The following SNX13 variants were observed in gnomAD, a reference collection of about 807,000 sequenced individuals.
SNX13 encodes the protein sorting nexin-13.
A neutral mutation model predicts 133.6 loss-of-function variants in SNX13; 45 were observed. The observed-to-expected ratio is 0.34, with a 90% CI of 0.27 to 0.43. The LOEUF is 0.43. Among genes scored for constraint, SNX13 ranks in the 20% least tolerant of loss-of-function variants. The pLI is 1.00. For missense variants in SNX13, 1,032 were observed against 1,145.1 expected (o/e 0.90, Z 1.43); for synonymous variants, 414 against 373.9 (o/e 1.11, Z -1.24).
Position 17,816,275 on chromosome 7 carries a change from T to C in SNX13, c.1860A>G (p.Ser620=), listed in dbSNP as rs1255739149. The C allele has an allele frequency of 6.5e-7, 1 of 1,541,446 alleles. No individual in the cohort carries two copies. Among genetic ancestry groups the C allele is most frequent in the Non-Finnish European group, 8.8e-7 (1 of 1,141,964 alleles). ...TTTTTCCAGGAAGTTTCAATATGCT[T>C]GAGAGACTTTCAAACTGTAAGACAA... ...MRITEQFESL[S]SILKLPGKKT... is the part of the protein sequence containing the mutation. The change falls in exon 19 of 26, where the codon TCA becomes TCG. Residue 620 remains serine, a synonymous_variant. Coordinates refer to ENST00000428135, the MANE Select transcript of SNX13 (RefSeq NM_015132.5).
intron 1 of SNX13, 72 bp from the exon 2 acceptor site, chr7:17,897,518 C>T (rs1241176221): frequency 2.3e-6 from 2 of 860,502 alleles, no homozygotes; most frequent in East Asian, 5.7e-5. Flanking sequence ...ACCAACAAAA[C>T]TTTTACATAG....
intron 1 of SNX13, chr7:17,898,432 A>C (rs1238159779): frequency 6.6e-6 from 1 of 152,212 alleles, no homozygotes; most frequent in Admixed American, 6.5e-5. Context: ...TATGAGAGAA[A>C]GGAGGGCTTT....
At chr7:17,918,620 G>A (rs1163035671) in intron 1 of SNX13, among the ~76,000 whole-genome samples, 1 of 152,118 alleles carries the variant, frequency 6.6e-6, no homozygotes, top group Non-Finnish European at 1.5e-5. Context: ...ATGTTTGTGA[G>A]GTTATGGAGA....
intron 1 of SNX13, among the ~76,000 whole-genome samples, chr7:17,918,091 G>A (rs868247038): frequency 2.0e-5 from 3 of 152,028 alleles, no homozygotes; most frequent in African/African-American, 4.8e-5. Context: ...TGGGAAAACT[G>A]GTTAACCTCA....
chr7:17,834,321 T>C (rs964571980), intron 14 of SNX13, 137 bp from the exon 15 acceptor site: 1 of 715,964 alleles, frequency 1.4e-6, no homozygotes, highest in Non-Finnish European at 2.1e-6. Flanking sequence ...ATAAGACTAT[T>C]TCACAACTAA....
At chr7:17,841,583 C>CACACACAT (rs1491551329) in intron 12 of SNX13, among the ~76,000 whole-genome samples, 1 of 150,352 alleles carries the variant, frequency 6.7e-6, no homozygotes, top group African/African-American at 2.4e-5. Context: ...CACACACACA[C>CACACACAT]GCACACACAC....
At chr7:17,804,071 C>A (rs1048797078) in intron 20 of SNX13, among the ~76,000 whole-genome samples, 5 of 151,802 alleles carry the variant, frequency 3.3e-5, no homozygotes, top group Admixed American at 1.3e-4. Flanking sequence ...TCACAAAAAA[C>A]AAAAGTATTT....
At chr7:17,876,573 T>G (rs67452591) in intron 5 of SNX13, among the ~76,000 whole-genome samples, 1 of 129,378 alleles carries the variant, frequency 7.7e-6, no homozygotes, top group Non-Finnish European at 1.7e-5. Context: ...AGCTATCTCA[T>G]CAAAAAAAAA....
At chr7:17,836,362 T>A (rs1377796481) in intron 13 of SNX13, among the ~76,000 whole-genome samples, 1 of 151,796 alleles carries the variant, frequency 6.6e-6, no homozygotes, top group East Asian at 1.9e-4. Context: ...TTTAAAAAAA[T>A]ACAAAAATTA....
intron 1 of SNX13, among the ~76,000 whole-genome samples, chr7:17,907,756 T>C (rs539947384): frequency 6.6e-6 from 1 of 152,256 alleles, no homozygotes; most frequent in Admixed American, 6.5e-5. Flanking sequence ...TGGGAAAGCA[T>C]ACAGGAAATA....
chr7:17,940,189 C>T (rs375935297), intron 1 of SNX13, 95 bp downstream of exon 1: 1 of 1,513,882 alleles, frequency 6.6e-7, no homozygotes, highest in African/African-American at 1.4e-5. Context: ...GGCGAAGGGT[C>T]AGGCCCACCT....
chr7:17,895,620 G>T (rs555324557), intron 2 of SNX13, among the ~76,000 whole-genome samples: 26 of 152,114 alleles, frequency 1.7e-4, no homozygotes, highest in Admixed American at 1.6e-3. Context: ...AATTTTTACA[G>T]AACTTTGTAA....
At chr7:17,817,823 A>C (rs533300485) in intron 18 of SNX13, among the ~76,000 whole-genome samples, 1 of 152,304 alleles carries the variant, frequency 6.6e-6, no homozygotes, top group East Asian at 1.9e-4. Flanking sequence ...TATCCACATT[A>C]AACTACTGAC....
chr7:17,915,271 T>G (rs1799420725), intron 1 of SNX13, among the ~76,000 whole-genome samples: 2 of 152,202 alleles, frequency 1.3e-5, no homozygotes, highest in African/African-American at 4.8e-5. Context: ...TCTATGCAGC[T>G]GACCCTTACC....
At chr7:17,864,150 G>A (rs980948041) in intron 9 of SNX13, among the ~76,000 whole-genome samples, 4 of 152,070 alleles carry the variant, frequency 2.6e-5, no homozygotes, top group Admixed American at 2.0e-4. Flanking sequence ...CAAGCACCAA[G>A]AACATCCAGG....
intron 15 of SNX13, chr7:17,830,673 A>T (rs1315295150): frequency 1.0e-6 from 1 of 981,244 alleles, no homozygotes; most frequent in Non-Finnish European, 1.2e-6. Flanking sequence ...TCAATGCTGG[A>T]TTATTAACAT....
intron 20 of SNX13, among the ~76,000 whole-genome samples, chr7:17,812,331 G>T (rs1296492989): frequency 6.6e-6 from 1 of 152,094 alleles, no homozygotes; most frequent in East Asian, 1.9e-4. Context: ...TCAGAAAGTG[G>T]GCGAACGATA....
At chr7:17,809,282 C>CAAAAGA (rs1785707032) in intron 20 of SNX13, among the ~76,000 whole-genome samples, 1 of 49,272 alleles carries the variant, frequency 2.0e-5, no homozygotes, top group Non-Finnish European at 3.5e-5. Context: ...AGATGGAAAG[C>CAAAAGA]AAAAAAAAAA....
At chr7:17,906,591 A>C (rs749229539) in intron 1 of SNX13, among the ~76,000 whole-genome samples, 13 of 152,090 alleles carry the variant, frequency 8.5e-5, no homozygotes, top group Non-Finnish European at 1.5e-4. Context: ...TCCTCTCATA[A>C]TCTGATATGG....
Sources: gnomAD v4.1 joint callset for allele counts (sites outside exome capture counted in the v4.1 genomes callset) on GRCh38, gnomAD v4.1.1 for gene constraint, MANE v1.5 for transcripts, NCBI Gene and HGNC (gene_info 2026-07-23, HGNC 2026-07-21) for gene names.